Variants in SPATA13 observed in about 807,000 individuals in gnomAD.
SPATA13 encodes spermatogenesis-associated protein 13.
Under a neutral mutation model 104.0 loss-of-function variants are expected in SPATA13, and 50 were observed. The ratio of observed to expected loss-of-function variants is 0.48; its 90% CI spans 0.38 to 0.61. SPATA13 has a LOEUF of 0.61. SPATA13 is among the 20% of genes least tolerant of loss of function. The pLI, the probability that SPATA13 is intolerant of heterozygous loss-of-function variation, is 0.00. For synonymous variants in SPATA13, 606 were observed against 667.5 expected, an observed-to-expected ratio of 0.91 and a Z score of 1.42; for missense variants, 1,524 against 1,690.6, an observed-to-expected ratio of 0.90 and a Z score of 1.73.
chr13:24,234,367 A>G (rs927552), intron 2 of SPATA13, among the ~76,000 whole-genome samples: 67,340 of 151,894 alleles, frequency 0.44, 15,267 homozygotes, highest in African/African-American at 0.55. Context: ...TATTCTTCAG[A>G]GGGGGAATTT....
chr13:24,251,625 G>A (rs1255994191), intron 3 of SPATA13, 93 bp from the exon 4 acceptor site: 7 of 1,537,998 alleles, frequency 4.6e-6, no homozygotes, highest in African/African-American at 4.1e-5. Flanking sequence ...ACGTCTGTGA[G>A]TGGCTTCGAG....
At chr13:24,214,083 T>G (rs931042037) in intron 1 of SPATA13, among the ~76,000 whole-genome samples, 1 of 152,258 alleles carries the variant, frequency 6.6e-6, no homozygotes, top group Admixed American at 6.5e-5. Flanking sequence ...TTTGCCAATC[T>G]CTGACTGAGC....
At chr13:24,070,607 G>T (rs1273781424) in intron 3 of SPATA13, among the ~76,000 whole-genome samples, 1 of 152,202 alleles carries the variant, frequency 6.6e-6, no homozygotes, top group African/African-American at 2.4e-5. Context: ...CTGATATTTG[G>T]TTGAACATTA....
At chr13:24,197,775 A>T (rs534304752) in intron 1 of SPATA13, among the ~76,000 whole-genome samples, 1 of 152,196 alleles carries the variant, frequency 6.6e-6, no homozygotes, top group South Asian at 2.1e-4. Flanking sequence ...AAAAATATGT[A>T]TAAGGATTAG....
rs1055357077 is a variant in SPATA13, at chr13:24,205,709, T to C, written c.-111-17110T>C. Among the ~76,000 whole-genome samples, 3 of 151,954 alleles carry C rather than the reference T, an allele frequency of 2.0e-5. No individual in the cohort carries two copies. Among genetic ancestry groups the C allele is most frequent in the Non-Finnish European group, 4.4e-5 (3 of 67,984 alleles). ...TACTACAGGGTGACAGTAACCAAAA[T>C]CACATGGTACTGGTACAAGAACAGA... On this transcript the variant is annotated intron_variant, in intron 1 of 12. Coordinates refer to ENST00000382108, the MANE Select transcript of SPATA13 (RefSeq NM_001166271.3). The surrounding 1 kb of genome is among the most constrained non-coding windows in gnomAD (Gnocchi z 4.1).
intron 2 of SPATA13, among the ~76,000 whole-genome samples, chr13:24,231,104 C>G (rs2138626421): frequency 6.6e-6 from 1 of 152,256 alleles, no homozygotes; most frequent in African/African-American, 2.4e-5. Flanking sequence ...CTGTTCCCAC[C>G]CAAGACTAGG....
At chr13:24,120,908 G>A (rs1023193927) in intron 3 of SPATA13, among the ~76,000 whole-genome samples, 20 of 152,198 alleles carry the variant, frequency 1.3e-4, no homozygotes, top group African/African-American at 4.8e-4. Context: ...GCGCTGTCAC[G>A]AAAGAGTGGA....
rs555757381 is a variant in SPATA13 at position 24,079,910 on chromosome 13, G to T, written c.-112+62209G>T. On this transcript the variant is annotated intron_variant, in intron 3 of 14. Coordinates refer to the SPATA13 transcript ENST00000424834. ...CTACAGTAAGTCACAAAGTCAACCCGTGTCCCAACCAGCATATCTGAAGAT... is the reference window on the plus strand; with the variant it reads ...CTACAGTAAGTCACAAAGTCAACCCTTGTCCCAACCAGCATATCTGAAGAT... 2.0e-5 allele frequency among the ~76,000 whole-genome samples: 3 copies of T among 152,240 alleles called. No individual in the cohort carries two copies. The East Asian group carries it at 5.8e-4, about 29-fold the overall frequency.
chr13:24,223,565 C>G lies in SPATA13; in HGVS notation c.636C>G (p.Ile212Met), dbSNP rs1459219647. ...SLRRAYGLGR[I>M]CLLDAPQNHA... The stretch of plus-strand genomic sequence containing the variant: ...GCAGAGCCTACGGCCTGGGCCGCAT[C>G]TGCCTGCTGGATGCGCCCCAGAACC... The change falls in exon 2 of 13, where the codon ATC (isoleucine) becomes ATG (methionine). Residue 212 changes from isoleucine (I) to methionine (M), a missense_variant. Around this residue, in one of 2 missense-constraint regions of SPATA13, gnomAD observed 1,089 missense variants for 1,135.9 expected, o/e 0.96. Transcript: ENST00000382108. The G allele has an allele frequency of 6.5e-6, 10 of 1,549,614 alleles. No homozygotes were observed. The East Asian group carries it at 1.7e-4, about 27-fold the overall frequency.
At chr13:24,025,032 C>G (rs73162153) in intron 3 of SPATA13, among the ~76,000 whole-genome samples, 9,982 of 151,212 alleles carry the variant, frequency 0.066, 467 homozygotes, top group Admixed American at 0.14. Context: ...AAGAAACAGA[C>G]TATTATAAAA....
chr13:24,254,300 T>C (rs1012631543), intron 4 of SPATA13: 20 of 152,228 alleles, frequency 1.3e-4, no homozygotes, highest in African/African-American at 4.8e-4. Context: ...GCAAGTATAT[T>C]ATTAAGTAAT....
intron 11 of SPATA13, among the ~76,000 whole-genome samples, chr13:24,298,216 G>T (rs1031581815): frequency 1.4e-4 from 22 of 152,190 alleles, no homozygotes; most frequent in African/African-American, 5.3e-4. Context: ...CAGGCTATCA[G>T]AAGTATCACG....
At chr13:24,107,084 G>A (rs959963589) in intron 3 of SPATA13, among the ~76,000 whole-genome samples, 17 of 151,914 alleles carry the variant, frequency 1.1e-4, no homozygotes, top group African/African-American at 4.1e-4. Context: ...ATTTATGCTT[G>A]CCAGAATAGT....
chr13:24,022,128 C>T (rs529535239), intron 3 of SPATA13, among the ~76,000 whole-genome samples: 2 of 151,126 alleles, frequency 1.3e-5, no homozygotes, highest in East Asian at 3.9e-4. Context: ...CTGCAGCTTC[C>T]ACCTCCCAGA....
At chr13:24,130,777 A>G (rs1881368651) in intron 3 of SPATA13, among the ~76,000 whole-genome samples, 1 of 152,224 alleles carries the variant, frequency 6.6e-6, no homozygotes, top group South Asian at 2.1e-4. Flanking sequence ...ACCTGCAAAC[A>G]CGCTATTTTC....
chr13:24,041,885 A>G (rs919895406), intron 3 of SPATA13, among the ~76,000 whole-genome samples: 1 of 152,228 alleles, frequency 6.6e-6, no homozygotes, highest in Non-Finnish European at 1.5e-5. Context: ...TGCAAAGAGC[A>G]GGTGGAATCA....
At chr13:24,249,328 T>C (rs375988793) in intron 2 of SPATA13, 149 bp from the exon 3 acceptor site, 4 of 989,572 alleles carry the variant, frequency 4.0e-6, no homozygotes, top group African/African-American at 3.3e-5. Flanking sequence ...TGTGTCTTCA[T>C]GTTCTAGTAC....
At chr13:24,019,142 G>A (rs1876852402) in intron 3 of SPATA13, among the ~76,000 whole-genome samples, 1 of 147,906 alleles carries the variant, frequency 6.8e-6, no homozygotes, top group Admixed American at 6.7e-5. Flanking sequence ...AGGCTGGAGT[G>A]CAGTGGCGGG....
chr13:24,223,969 C>T lies in SPATA13; in HGVS notation c.1040C>T (p.Ala347Val). Reference sequence around the variant, plus strand: ...AGTGGGGCCCCATCCCCTGGAGAGGCCAGCCTGAGACTTCAGGCACACAGC... The same window carrying T: ...AGTGGGGCCCCATCCCCTGGAGAGGTCAGCCTGAGACTTCAGGCACACAGC... Reference protein sequence around the residue: ...PRSGAPSPGEASLRLQAHSRL... With the variant: ...PRSGAPSPGEVSLRLQAHSRL... Residue 347 changes from alanine to valine, a missense_variant, in exon 2 of 13, where the codon GCC (alanine) becomes GTC (valine). Ala to Val is a moderately conservative substitution (Grantham distance 64). This residue lies in a region of SPATA13 where 1,089 missense variants were observed against 1,135.9 expected (regional missense o/e 0.96). Coordinates refer to ENST00000382108, the MANE Select transcript of SPATA13 (RefSeq NM_001166271.3). 3.9e-6 allele frequency: 6 copies of T among 1,549,138 alleles called. No individual in the cohort carries two copies. The highest frequency in any genetic ancestry group is 1.2e-5 in the South Asian group (1 of 83,870).
Sources: allele counts gnomAD v4.1 joint callset (sites outside exome capture counted in the v4.1 genomes callset), GRCh38; gene constraint gnomAD v4.1.1; regional missense constraint gnomAD v4.1.1; non-coding constraint Gnocchi (gnomAD v3.1); transcripts MANE v1.5; gene names NCBI Gene and HGNC (gene_info 2026-07-23, HGNC 2026-07-21).